Variants in FGF12 observed in about 807,000 individuals in gnomAD.
The protein encoded by FGF12 is fibroblast growth factor 12B.
A neutral mutation model predicts 23.6 loss-of-function variants in FGF12; 14 were observed. The observed-to-expected ratio is 0.59, with a 90% CI of 0.39 to 0.93. The LOEUF (loss-of-function observed/expected upper bound fraction) is 0.93, where lower values mean the gene tolerates loss of function less well. Among genes scored for constraint, FGF12 ranks in the 40% least tolerant of loss-of-function variants. The pLI, the probability that FGF12 is intolerant of heterozygous loss-of-function variation, is 0.00. For synonymous variants in FGF12, 62 were observed against 77.3 expected, an observed-to-expected ratio of 0.80 and a Z score of 1.04; for missense variants, 175 against 217.8, an observed-to-expected ratio of 0.80 and a Z score of 1.24.
chr3:192,462,546 A>C (rs761912266), intron 2 of FGF12, among the ~76,000 whole-genome samples: 1 of 152,188 alleles, frequency 6.6e-6, no homozygotes, highest in South Asian at 2.1e-4. Context: ...CTCAATCTCC[A>C]TAAGTGTAAG....
intron 4 of FGF12, among the ~76,000 whole-genome samples, chr3:192,291,233 A>T (rs1362789200): frequency 2.0e-5 from 3 of 152,140 alleles, no homozygotes; most frequent in Admixed American, 1.3e-4. Flanking sequence ...TCATTTATTA[A>T]TTATTCTATG....
chr3:192,537,621 T>C (rs1319763854), intron 2 of FGF12, among the ~76,000 whole-genome samples: 1 of 152,216 alleles, frequency 6.6e-6, no homozygotes, highest in African/African-American at 2.4e-5. Context: ...CAGATATTCA[T>C]GTATTTTTTA....
intron 2 of FGF12, among the ~76,000 whole-genome samples, chr3:192,555,392 A>G (rs1410420258): frequency 6.6e-6 from 1 of 152,200 alleles, no homozygotes; most frequent in Non-Finnish European, 1.5e-5. Context: ...GTATGGTACT[A>G]TAAAAGTAGT....
intron 2 of FGF12, among the ~76,000 whole-genome samples, chr3:192,610,070 T>C (rs530390307): frequency 6.6e-6 from 1 of 152,196 alleles, no homozygotes; most frequent in South Asian, 2.1e-4. Flanking sequence ...CAATTTATTG[T>C]GACAATTGGT....
chr3:192,365,976 TAAAAA>T (rs5855421), intron 2 of FGF12, among the ~76,000 whole-genome samples: 3 of 130,812 alleles, frequency 2.3e-5, no homozygotes, highest in South Asian at 2.3e-4. Context: ...GCTTCAAAGG[TAAAAA>T]AAAAAAAAAA....
At chr3:192,538,473 G>A (rs926745042) in intron 2 of FGF12, among the ~76,000 whole-genome samples, 2 of 152,032 alleles carry the variant, frequency 1.3e-5, no homozygotes, top group African/African-American at 4.8e-5. Context: ...TGTTCCATTG[G>A]TCTATTTGTC....
chr3:192,217,159 C>A (rs1346163320), intron 4 of FGF12, among the ~76,000 whole-genome samples: 3 of 152,078 alleles, frequency 2.0e-5, no homozygotes, highest in African/African-American at 7.2e-5. Context: ...CCACACAAGG[C>A]CTTAGTTTCC....
chr3:192,314,144 C>A (rs1716105093), intron 4 of FGF12, among the ~76,000 whole-genome samples: 1 of 152,114 alleles, frequency 6.6e-6, no homozygotes, highest in Admixed American at 6.5e-5. Context: ...ATCTTGGGCT[C>A]ACCAGCCTCC....
chr3:192,651,397 T>C (rs1716208936), intron 2 of FGF12, among the ~76,000 whole-genome samples: 2 of 152,194 alleles, frequency 1.3e-5, no homozygotes. Flanking sequence ...CCTGTCAAGC[T>C]ATGGATTGTT....
chr3:192,246,994 G>A (rs1560032918), intron 4 of FGF12, among the ~76,000 whole-genome samples: 2 of 144,612 alleles, frequency 1.4e-5, no homozygotes, highest in African/African-American at 5.1e-5. Context: ...AAGGAAGGGA[G>A]AGAAAGAAAG....
chr3:192,600,684 T>C (rs1266366652), intron 2 of FGF12, among the ~76,000 whole-genome samples: 2 of 151,484 alleles, frequency 1.3e-5, no homozygotes, highest in Admixed American at 1.3e-4. Context: ...GGCCAAGAAA[T>C]ACATGAAAAA....
chr3:192,507,653 A>G (rs1724355002), intron 2 of FGF12, among the ~76,000 whole-genome samples: 1 of 151,976 alleles, frequency 6.6e-6, no homozygotes, highest in Non-Finnish European at 1.5e-5. Flanking sequence ...TCTCCTTTTC[A>G]CCACTTTTAG....
chr3:192,588,070 G>A lies in FGF12; in HGVS notation c.13+139111C>T, dbSNP rs190294011. 6.0e-4 allele frequency among the ~76,000 whole-genome samples: 91 copies of A among 151,734 alleles called. 2 individuals carry two copies. Among genetic ancestry groups the A allele is most frequent in the Middle Eastern group, 3.4e-3 (1 of 294 alleles). On this transcript the variant is annotated intron_variant, in intron 2 of 5. Coordinates refer to ENST00000445105, the MANE Select transcript of FGF12 (RefSeq NM_004113.6). ...GGGCATATTTAAGAATCCAGGCCGG[G>A]CGCAGCAGCTCACGCCTGTAATCGC...
At chr3:192,414,175 A>T (rs1284032079) in intron 2 of FGF12, among the ~76,000 whole-genome samples, 1 of 152,222 alleles carries the variant, frequency 6.6e-6, no homozygotes, top group African/African-American at 2.4e-5. Flanking sequence ...GTATTTTGAT[A>T]AGAAACATAG....
At chr3:192,513,856 C>T (rs4687339) in intron 2 of FGF12, among the ~76,000 whole-genome samples, 12,757 of 152,172 alleles carry the variant, frequency 0.084, 613 homozygotes, top group Admixed American at 0.19. Flanking sequence ...ATAGACACAC[C>T]ACTTTAAAGA....
Position 192,409,542 on chromosome 3 carries a change from G to A in FGF12, c.14-49004C>T, listed in dbSNP as rs947132848. Among the ~76,000 whole-genome samples the A allele has an allele frequency of 6.6e-6, 1 of 152,256 alleles. No individual in the cohort carries two copies. The highest frequency in any genetic ancestry group is 1.9e-4 in the East Asian group (1 of 5,176). On this transcript the variant is annotated intron_variant, in intron 2 of 5. Coordinates refer to ENST00000445105, the MANE Select transcript of FGF12 (RefSeq NM_004113.6). This position sits in a 1 kb window ranked among gnomAD's most constrained non-coding sequence, Gnocchi z 4.8. ...GCAGATCAGATGGGGATTACCCGCC[G>A]GACGCAAGGCCGATCACTCAGTCCC...
intron 4 of FGF12, among the ~76,000 whole-genome samples, chr3:192,172,722 A>G (rs1259303183): frequency 6.6e-6 from 1 of 150,846 alleles, no homozygotes; most frequent in Non-Finnish European, 1.5e-5. Flanking sequence ...AGCTGTGGAA[A>G]ATAGGTTGGC....
intron 2 of FGF12, among the ~76,000 whole-genome samples, chr3:192,661,673 T>C (rs1460431795): frequency 6.6e-6 from 1 of 152,158 alleles, no homozygotes. Context: ...TCTTAAGTAG[T>C]GGAATAGAAA....
intron 2 of FGF12, among the ~76,000 whole-genome samples, chr3:192,673,455 C>T (rs934206994): frequency 3.3e-5 from 5 of 150,936 alleles, no homozygotes; most frequent in African/African-American, 9.7e-5. Context: ...TAAACGTATG[C>T]CATGGTGGTT....
Sources: gnomAD v4.1 joint callset for allele counts (sites outside exome capture counted in the v4.1 genomes callset) on GRCh38, gnomAD v4.1.1 for gene constraint, Gnocchi (gnomAD v3.1) non-coding constraint, MANE v1.5 for transcripts, NCBI Gene and HGNC (gene_info 2026-07-23, HGNC 2026-07-21) for gene names.